EYS: variants seen among roughly 807,000 people sequenced by gnomAD.
The protein encoded by EYS is EGF-like photoreceptor maintenance factor.
Under a neutral mutation model 282.1 loss-of-function variants are expected in EYS, and 250 were observed. That is an observed-to-expected ratio of 0.89 (90% CI 0.80 to 0.98). EYS has a LOEUF of 0.98. Among genes scored for constraint, EYS ranks in the 50% least tolerant of loss-of-function variants. The probability of loss-of-function intolerance (pLI) is 0.00; values close to 1 mark genes in which losing one functional copy is unlikely to be tolerated. For synonymous variants in EYS, 1,355 were observed against 1,282.9 expected (o/e 1.06, Z -1.20); for missense variants, 4,016 against 3,709.0 (o/e 1.08, Z -2.15).
chr6:65,471,195 C>T (rs1765199915), intron 5 of EYS, among the ~76,000 whole-genome samples: 1 of 148,384 alleles, frequency 6.7e-6, no homozygotes, highest in Admixed American at 6.8e-5. Context: ...TACAAAAGCA[C>T]CAGCCTGGGC....
chr6:64,987,794 G>A (rs560756616), intron 14 of EYS, among the ~76,000 whole-genome samples: 24 of 151,514 alleles, frequency 1.6e-4, no homozygotes, highest in Non-Finnish European at 2.7e-4. Flanking sequence ...TATATTTTCT[G>A]AAAAGCAAAC....
At chr6:64,064,303 T>C (rs1309045834) in intron 33 of EYS, among the ~76,000 whole-genome samples, 2 of 152,180 alleles carry the variant, frequency 1.3e-5, no homozygotes, top group African/African-American at 4.8e-5. Flanking sequence ...AAGAAACATT[T>C]GTTAAATGAA....
chr6:65,258,966 G>A (rs1423017595), intron 12 of EYS, among the ~76,000 whole-genome samples: 2 of 151,998 alleles, frequency 1.3e-5, no homozygotes, highest in African/African-American at 2.4e-5. Context: ...AATGCAAGCT[G>A]GAGGGGAGTA....
chr6:65,229,829 T>C lies in EYS; in HGVS notation c.2023+66034A>G, dbSNP rs137915892. 2.1e-3 allele frequency among the ~76,000 whole-genome samples: 313 copies of C among 152,108 alleles called. 2 individuals carry two copies. Among genetic ancestry groups the C allele is most frequent in the South Asian group, 2.3e-3 (11 of 4,824 alleles). ...TCCATTTTAGATATGAGATGTTGCATTTACTGCAAGACAATTCTCCTTTAT... is the reference window on the plus strand; with the variant it reads ...TCCATTTTAGATATGAGATGTTGCACTTACTGCAAGACAATTCTCCTTTAT... On this transcript the variant is annotated intron_variant, in intron 12 of 42. Transcript: ENST00000503581.
intron 26 of EYS, among the ~76,000 whole-genome samples, chr6:64,536,499 C>T (rs949394773): frequency 6.6e-6 from 1 of 152,060 alleles, no homozygotes; most frequent in African/African-American, 2.4e-5. Context: ...ACTGGAGTAG[C>T]AAAATAAATA....
intron 29 of EYS, among the ~76,000 whole-genome samples, chr6:64,316,152 C>T (rs534685572): frequency 6.4e-4 from 97 of 152,062 alleles, no homozygotes; most frequent in African/African-American, 1.7e-3. Context: ...CTTTGAGAAC[C>T]GGCACAAGAC....
At position 65,039,800 on chromosome 6, in the gene EYS, G is replaced by C. The variant is rs968608742; in HGVS notation, c.2137+17814C>G. 2.0e-5 allele frequency among the ~76,000 whole-genome samples: 3 copies of C among 151,514 alleles called. No homozygotes were observed. In the Admixed American group the frequency reaches 2.0e-4, roughly 10 times the overall value. ...ACTTTTGGTATCTTAGTAAAAAAGGGTGTATTTTGCATGTAAGTGGAATAT... is the reference window on the plus strand; with the variant it reads ...ACTTTTGGTATCTTAGTAAAAAAGGCTGTATTTTGCATGTAAGTGGAATAT... On this transcript the variant is annotated intron_variant, in intron 13 of 42. Coordinates refer to ENST00000503581, the MANE Select transcript of EYS (RefSeq NM_001142800.2).
At chr6:65,023,675 C>G (rs573394429) in intron 13 of EYS, among the ~76,000 whole-genome samples, 1 of 152,298 alleles carries the variant, frequency 6.6e-6, no homozygotes, top group South Asian at 2.1e-4. Context: ...TGAAGCAGCA[C>G]AAGTGGACAC....
At chr6:64,995,478 C>CA (rs1486203808) in intron 14 of EYS, among the ~76,000 whole-genome samples, 1 of 152,066 alleles carries the variant, frequency 6.6e-6, no homozygotes, top group African/African-American at 2.4e-5. Context: ...GCCCCAGACA[C>CA]AATATCTGAA....
chr6:64,659,939 A>C (rs1298565101), intron 22 of EYS, among the ~76,000 whole-genome samples: 1 of 152,192 alleles, frequency 6.6e-6, no homozygotes, highest in Non-Finnish European at 1.5e-5. Flanking sequence ...ACCAAAAAAG[A>C]GAATTTCAGA....
chr6:64,635,403 T>A (rs1432759284), intron 22 of EYS, among the ~76,000 whole-genome samples: 1 of 152,152 alleles, frequency 6.6e-6, no homozygotes, highest in Admixed American at 6.5e-5. Flanking sequence ...CTTGTGCCGG[T>A]TTTCAAAGGG....
chr6:63,910,510 G>A (rs180777604), intron 35 of EYS, among the ~76,000 whole-genome samples: 150 of 152,298 alleles, frequency 9.8e-4, no homozygotes, highest in Non-Finnish European at 1.6e-3. Flanking sequence ...AAACATGTCT[G>A]CCAAATGGCC....
chr6:65,619,586 C>G (rs1766384117), intron 2 of EYS, among the ~76,000 whole-genome samples: 1 of 152,058 alleles, frequency 6.6e-6, no homozygotes, highest in Admixed American at 6.6e-5. Context: ...ACTTCCAACA[C>G]TATGTTGAAT....
At position 64,591,926 on chromosome 6, in the gene EYS, C is replaced by T. The variant is rs1330067403; in HGVS notation, c.3941G>A (p.Arg1314Lys). 1.9e-6 allele frequency: 3 copies of T among 1,541,236 alleles called. No individual in the cohort carries two copies. The Admixed American group carries it at 6.0e-5, about 31-fold the overall frequency. Residue 1314 changes from arginine (R) to lysine (K), a missense_variant, in exon 26 of 43, where the codon AGA becomes AAA. Physicochemically the swap from Arg to Lys is conservative, Grantham distance 26. Coordinates refer to ENST00000503581, the MANE Select transcript of EYS (RefSeq NM_001142800.2). ...GTAGCTTTCCAAGGGTGTGCTAATT[C>T]TTAATGTTGCCAAACCAGTGGTTGG... Reference protein sequence around the residue: ...ILPTTGLATLRISTPLESYLL... With the variant: ...ILPTTGLATLKISTPLESYLL...
chr6:64,919,235 G>A (rs551773578), intron 15 of EYS, among the ~76,000 whole-genome samples: 4 of 151,980 alleles, frequency 2.6e-5, no homozygotes, highest in African/African-American at 7.2e-5. Flanking sequence ...GCAGTGGCGC[G>A]TTCTCGGCTC....
At chr6:65,252,325 C>G (rs1767348613) in intron 12 of EYS, among the ~76,000 whole-genome samples, 1 of 151,828 alleles carries the variant, frequency 6.6e-6, no homozygotes, top group African/African-American at 2.4e-5. Flanking sequence ...TAGTAATAGA[C>G]CACCAACCAC....
chr6:65,674,450 CAAAAAAAAA>C (rs56958605), intron 1 of EYS, among the ~76,000 whole-genome samples: 2 of 34,760 alleles, frequency 5.8e-5, no homozygotes, highest in African/African-American at 1.0e-4. Flanking sequence ...GACTCCGTCT[CAAAAAAAAA>C]AAAAAAAAAA....
intron 22 of EYS, among the ~76,000 whole-genome samples, chr6:64,738,971 C>A (rs551677265): frequency 6.6e-6 from 1 of 152,170 alleles, no homozygotes; most frequent in African/African-American, 2.4e-5. Context: ...TGGCCTCAAA[C>A]CCCTGACCTT....
At chr6:63,751,124 A>G (rs1342438324) in intron 41 of EYS, among the ~76,000 whole-genome samples, 1 of 152,116 alleles carries the variant, frequency 6.6e-6, no homozygotes, top group African/African-American at 2.4e-5. Context: ...AGATTTCTAA[A>G]ATAGATTAAT....
Sources: gnomAD v4.1 joint callset for allele counts (sites outside exome capture counted in the v4.1 genomes callset) on GRCh38, gnomAD v4.1.1 for gene constraint, MANE v1.5 for transcripts, NCBI Gene and HGNC (gene_info 2026-07-23, HGNC 2026-07-21) for gene names.